PHC3: variants seen among roughly 807,000 people sequenced by gnomAD.
PHC3 encodes polyhomeotic homolog 3.
Under a neutral mutation model 107.4 loss-of-function variants are expected in PHC3, and 13 were observed. That is an observed-to-expected ratio of 0.12 (90% confidence interval 0.08 to 0.19). The LOEUF (loss-of-function observed/expected upper bound fraction) is 0.19, where lower values mean the gene tolerates loss of function less well. Ranked by LOEUF, PHC3 falls within the 10% of genes least tolerant of loss-of-function variation. PHC3 has a pLI of 1.00. For missense variants in PHC3, 992 were observed against 1,210.9 expected, an observed-to-expected ratio of 0.82 and a Z score of 2.68; for synonymous variants, 456 against 427.4, an observed-to-expected ratio of 1.07 and a Z score of -0.83.
intron 8 of PHC3, 63 bp from the exon 9 acceptor site, chr3:170,122,807 A>G: frequency 6.5e-7 from 1 of 1,540,382 alleles, no homozygotes; most frequent in Admixed American, 1.9e-5. Context: ...AGGTGTTCTT[A>G]ATTTCAGAAA....
Position 170,097,154 on chromosome 3 carries a change from A to C in PHC3, c.*76T>G, listed in dbSNP as rs1278069546. On this transcript the variant is annotated 3_prime_UTR_variant, in exon 15 of 15. Coordinates refer to ENST00000495893, the MANE Select transcript of PHC3 (RefSeq NM_024947.4). The surrounding 1 kb of genome is among the most constrained non-coding windows in gnomAD (Gnocchi z 4.1). Reference sequence around the variant, plus strand: ...CACCACAATAAGTGTCATATTCTAGACCAAGTTAGGCCTTTACCTTACAAG... The same window carrying C: ...CACCACAATAAGTGTCATATTCTAGCCCAAGTTAGGCCTTTACCTTACAAG... 2.1e-6 allele frequency: 3 copies of C among 1,437,758 alleles called. No individual in the cohort carries two copies. The highest frequency in any genetic ancestry group is 2.8e-6 in the Non-Finnish European group (3 of 1,070,638). The allele number at this position is 1,437,758 out of a possible 1,614,324, so 89.1% of individuals were successfully genotyped here. A position where few individuals can be genotyped will look rare whatever the true frequency, so the allele number is the denominator to read the frequency against.
chr3:170,152,315 C>T (rs957558822), intron 4 of PHC3, among the ~76,000 whole-genome samples: 3 of 150,762 alleles, frequency 2.0e-5, no homozygotes, highest in Non-Finnish European at 4.4e-5. Context: ...GGACTACAGG[C>T]GCCCACCACC....
chr3:170,113,770 G>A (rs556286622), intron 10 of PHC3, among the ~76,000 whole-genome samples: 1 of 152,242 alleles, frequency 6.6e-6, no homozygotes, highest in South Asian at 2.1e-4. Context: ...TCTGAGTTTA[G>A]GCAAGGAGTT....
chr3:170,123,445 TAA>T (rs1436673030), intron 8 of PHC3, among the ~76,000 whole-genome samples: 3 of 152,070 alleles, frequency 2.0e-5, no homozygotes, highest in Non-Finnish European at 4.4e-5. Flanking sequence ...AGAAAGTTTT[TAA>T]GTCTATAACT....
chr3:170,139,289 G>GTTC (rs1395953743), intron 6 of PHC3, among the ~76,000 whole-genome samples: 1 of 152,114 alleles, frequency 6.6e-6, no homozygotes, highest in Non-Finnish European at 1.5e-5. Context: ...TAAGCACTTA[G>GTTC]TTCTCTTCAT....
At chr3:170,140,584 C>CT (rs57137783) in intron 6 of PHC3, among the ~76,000 whole-genome samples, 1,952 of 69,660 alleles carry the variant, frequency 0.028, 181 homozygotes, top group African/African-American at 0.037. Flanking sequence ...ATTTCTTTTT[C>CT]TTTTTTTTTT....
At chr3:170,138,358 T>C (rs889891919) in intron 6 of PHC3, among the ~76,000 whole-genome samples, 1 of 152,062 alleles carries the variant, frequency 6.6e-6, no homozygotes, top group Non-Finnish European at 1.5e-5. Flanking sequence ...TAAACATAAA[T>C]GGACTAATAA....
Position 170,111,322 on chromosome 3 carries a change from GAACGAAC to G in PHC3, c.2353+2031_2353+2037del, listed in dbSNP as rs1717670445. Among the ~76,000 whole-genome samples the G allele has an allele frequency of 9.2e-5, 10 of 108,270 alleles. No individual in the cohort carries two copies. In the South Asian group the frequency reaches 2.9e-3, roughly 31 times the overall value. 71.0% of individuals were successfully genotyped at this position (108,270 alleles called of 152,430 possible). A position where few individuals can be genotyped will look rare whatever the true frequency, so the allele number is the denominator to read the frequency against. ...GGAAGGAAGGAAGGAAGGAAGGAAC[GAACGAAC>G]GAAAGAACAAAAGAACGGAAAGGAA... On this transcript the variant is annotated intron_variant, in intron 11 of 14. Transcript: ENST00000495893.
chr3:170,154,431 T>A (rs187282208), intron 4 of PHC3, among the ~76,000 whole-genome samples: 1 of 152,286 alleles, frequency 6.6e-6, no homozygotes, highest in Admixed American at 6.5e-5. Flanking sequence ...TTAGAACTTT[T>A]TTTTCAGTTG....
intron 4 of PHC3, among the ~76,000 whole-genome samples, chr3:170,151,660 A>G (rs936242381): frequency 2.6e-5 from 4 of 152,228 alleles, no homozygotes; most frequent in Admixed American, 2.0e-4. Context: ...AGAGCTGCCC[A>G]ATATGTAAGA....
At chr3:170,099,870 A>C (rs1295632544) in intron 14 of PHC3, among the ~76,000 whole-genome samples, 1 of 152,230 alleles carries the variant, frequency 6.6e-6, no homozygotes, top group African/African-American at 2.4e-5. Flanking sequence ...GAAAAATCAA[A>C]TCTACTGTGG....
chr3:170,140,795 A>G (rs1392587222), intron 6 of PHC3, among the ~76,000 whole-genome samples: 3 of 141,272 alleles, frequency 2.1e-5, no homozygotes, highest in East Asian at 2.2e-4. Context: ...ACGGGATTTC[A>G]CCATGTTGGC....
intron 1 of PHC3, among the ~76,000 whole-genome samples, chr3:170,180,511 A>C (rs531789003): frequency 4.7e-5 from 7 of 147,600 alleles, no homozygotes; most frequent in Admixed American, 1.4e-4. Flanking sequence ...AAGAAAGCTG[A>C]CTCCTCACTT....
rs1434334379 is a variant in PHC3 at position 170,122,731 on chromosome 3, T to G, written c.1802A>C (p.Glu601Ala). Residue 601 changes from glutamate to alanine, a missense_variant, in exon 9 of 15, where the codon GAA (glutamate) becomes GCA (alanine). Glu to Ala is a moderately radical substitution (Grantham distance 107, BLOSUM62 -1). Coordinates refer to ENST00000495893, the MANE Select transcript of PHC3 (RefSeq NM_024947.4). ...TGGCATTTCTTCTTCACACACATCT[T>G]CTACCTGATAAACCTGCAATGACAA... ...PVDPPVVYQV[E>A]DVCEEEMPEE... The G allele has an allele frequency of 6.2e-7, 1 of 1,613,910 alleles. No homozygotes were observed.
At chr3:170,110,880 A>C (rs1276363160) in intron 11 of PHC3, among the ~76,000 whole-genome samples, 1 of 152,154 alleles carries the variant, frequency 6.6e-6, no homozygotes, top group Non-Finnish European at 1.5e-5. Flanking sequence ...TTAGCCTAGA[A>C]CTTTCATTTA....
intron 4 of PHC3, among the ~76,000 whole-genome samples, chr3:170,165,339 A>T (rs1404097315): frequency 7.9e-5 from 12 of 152,184 alleles, no homozygotes; most frequent in African/African-American, 2.4e-4. Context: ...ACAACATAAT[A>T]CTAAAAACAT....
intron 5 of PHC3, chr3:170,147,282 A>T (rs574830662): frequency 6.6e-6 from 1 of 152,350 alleles, no homozygotes; most frequent in East Asian, 1.9e-4. Flanking sequence ...TCAAAATTGT[A>T]TCAAGGGTTA....
chr3:170,108,644 T>C (rs1717026560), intron 11 of PHC3, among the ~76,000 whole-genome samples: 1 of 152,176 alleles, frequency 6.6e-6, no homozygotes, highest in Non-Finnish European at 1.5e-5. Flanking sequence ...TCCTGAGACC[T>C]GAAAACATAA....
intron 9 of PHC3, among the ~76,000 whole-genome samples, chr3:170,118,802 C>T (rs540481041): frequency 1.4e-4 from 21 of 151,600 alleles, no homozygotes; most frequent in African/African-American, 4.4e-4. Flanking sequence ...CTCAAGTGAT[C>T]CTCCTGCCTC....
Sources: allele counts gnomAD v4.1 joint callset (sites outside exome capture counted in the v4.1 genomes callset), GRCh38; gene constraint gnomAD v4.1.1; non-coding constraint Gnocchi (gnomAD v3.1); transcripts MANE v1.5; gene names NCBI Gene and HGNC (gene_info 2026-07-23, HGNC 2026-07-21).